Variants in SMOC2 observed in about 807,000 individuals in gnomAD.
The protein encoded by SMOC2 is SPARC related modular calcium binding 2, also known as SPARC-related modular calcium-binding protein 2.
In SMOC2, 39 loss-of-function variants were observed where a neutral mutation model predicts 61.4. The ratio of observed to expected loss-of-function variants is 0.64; its 90% CI spans 0.49 to 0.83. The LOEUF (loss-of-function observed/expected upper bound fraction) is 0.83. Ranked by LOEUF, SMOC2 falls within the 40% of genes least tolerant of loss-of-function variation. The pLI is 0.00. For missense variants in SMOC2, 556 were observed against 592.9 expected (o/e 0.94, Z 0.65); for synonymous variants, 247 against 239.9 (o/e 1.03, Z -0.27).
intron 2 of SMOC2, among the ~76,000 whole-genome samples, chr6:168,518,190 G>A (rs1203586896): frequency 6.6e-6 from 1 of 152,224 alleles, no homozygotes; most frequent in Non-Finnish European, 1.5e-5. Context: ...GCCCGGGGCC[G>A]GAGTGTCGCC....
At chr6:168,565,509 T>TA (rs1217783516) in intron 7 of SMOC2, among the ~76,000 whole-genome samples, 1 of 152,234 alleles carries the variant, frequency 6.6e-6, no homozygotes, top group East Asian at 1.9e-4. Flanking sequence ...GCCCCACTCT[T>TA]ATGATGACCT....
At chr6:168,657,566 C>T (rs1787358839) in intron 11 of SMOC2, among the ~76,000 whole-genome samples, 2 of 152,210 alleles carry the variant, frequency 1.3e-5, no homozygotes, top group South Asian at 4.1e-4. Context: ...CTCTTACTGC[C>T]ACCCGATACT....
chr6:168,659,046 G>A (rs1227683297), intron 11 of SMOC2, among the ~76,000 whole-genome samples: 1 of 119,930 alleles, frequency 8.3e-6, no homozygotes, highest in Non-Finnish European at 1.7e-5. Context: ...ATGTGTGTGT[G>A]TGGCGTGTGG....
intron 4 of SMOC2, among the ~76,000 whole-genome samples, chr6:168,531,834 T>C (rs1783610064): frequency 6.6e-6 from 1 of 152,168 alleles, no homozygotes; most frequent in South Asian, 2.1e-4. Flanking sequence ...ATAACCCATG[T>C]TTCTCCCCCA....
In SMOC2 at chr6:168,553,930, G is replaced by C. The variant is rs1784185571; in HGVS notation, c.637+4727G>C. ...AACTTGCTTTTGAACTGCGTGTGCT[G>C]TGCATGGTGCCCCTTCCCCACCAGG... On this transcript the variant is annotated intron_variant, in intron 7 of 12. Coordinates refer to ENST00000356284, the MANE Select transcript of SMOC2 (RefSeq NM_001166412.2). The surrounding 1 kb of genome is among the most constrained non-coding windows in gnomAD (Gnocchi z 4.2). 6.6e-6 allele frequency among the ~76,000 whole-genome samples: 1 copy of C among 151,530 alleles called. No homozygotes were observed. The highest frequency in any genetic ancestry group is 1.5e-5 in the Non-Finnish European group (1 of 68,038).
intron 9 of SMOC2, among the ~76,000 whole-genome samples, chr6:168,645,116 C>T (rs539183960): frequency 6.6e-6 from 1 of 152,164 alleles, no homozygotes; most frequent in African/African-American, 2.4e-5. Context: ...CAAGACAAAA[C>T]TGGATTTAAT....
At chr6:168,509,060 C>A (rs1411682798) in intron 1 of SMOC2, among the ~76,000 whole-genome samples, 1 of 152,116 alleles carries the variant, frequency 6.6e-6, no homozygotes, top group Non-Finnish European at 1.5e-5. Flanking sequence ...GACTAGTTGG[C>A]CGGTCAGGAA....
At chr6:168,664,670 GC>G (rs1333838737) in intron 12 of SMOC2, 25 of 467,546 alleles carry the variant, frequency 5.3e-5, no homozygotes, top group Non-Finnish European at 2.2e-5. Context: ...GGGGCTTTCG[GC>G]TCCTGCTGTG....
At chr6:168,633,222 G>A (rs1200152581) in intron 9 of SMOC2, among the ~76,000 whole-genome samples, 1 of 152,198 alleles carries the variant, frequency 6.6e-6, no homozygotes, top group Non-Finnish European at 1.5e-5. Context: ...GAACCTTGAG[G>A]AATGTATACA....
At chr6:168,656,515 A>C (rs1433232671) in intron 11 of SMOC2, among the ~76,000 whole-genome samples, 1 of 138,562 alleles carries the variant, frequency 7.2e-6, no homozygotes, top group African/African-American at 2.9e-5. Flanking sequence ...GTTAAAAAAA[A>C]AAAAAAAAAA....
intron 9 of SMOC2, among the ~76,000 whole-genome samples, chr6:168,615,240 C>T (rs372991461): frequency 4.6e-5 from 4 of 86,132 alleles, no homozygotes; most frequent in Non-Finnish European, 7.2e-5. Flanking sequence ...GGCCTCTTCA[C>T]ACCTACAGCC....
intron 9 of SMOC2, among the ~76,000 whole-genome samples, chr6:168,613,364 A>AG (rs1423774645): frequency 1.3e-5 from 2 of 152,120 alleles, no homozygotes; most frequent in Non-Finnish European, 2.9e-5. Flanking sequence ...GTGAGGACAG[A>AG]GGGGGCGGCA....
rs756448492 is a variant in SMOC2 at position 168,619,103 on chromosome 6, G to A, written c.907+10864G>A. On this transcript the variant is annotated intron_variant, in intron 9 of 12. Transcript: ENST00000356284. Reference sequence around the variant, plus strand: ...TGAGTTCTGAGCAGCGCCGGTGACCGCAACAGCACATTGTTGAGTTATTTT... The same window carrying A: ...TGAGTTCTGAGCAGCGCCGGTGACCACAACAGCACATTGTTGAGTTATTTT... 4.3e-4 allele frequency among the ~76,000 whole-genome samples: 65 copies of A among 152,118 alleles called. 1 individual carries two copies. Among genetic ancestry groups the A allele is most frequent in the Non-Finnish European group, 1.5e-4 (10 of 68,028 alleles).
At chr6:168,548,196 G>A (rs985247065) in intron 6 of SMOC2, among the ~76,000 whole-genome samples, 1 of 152,126 alleles carries the variant, frequency 6.6e-6, no homozygotes, top group Non-Finnish European at 1.5e-5. Context: ...CTGCTGCCAT[G>A]AGTCCCTGGA....
intron 7 of SMOC2, among the ~76,000 whole-genome samples, chr6:168,583,688 C>T (rs1218412761): frequency 6.6e-6 from 1 of 152,242 alleles, no homozygotes; most frequent in Non-Finnish European, 1.5e-5. Flanking sequence ...TGCTCCCCAA[C>T]CTCCTGCTGG....
intron 9 of SMOC2, among the ~76,000 whole-genome samples, chr6:168,610,420 A>G (rs1232205159): frequency 2.6e-5 from 4 of 152,244 alleles, no homozygotes; most frequent in African/African-American, 9.6e-5. Flanking sequence ...GGAAAAAACA[A>G]GTAGGTCTTA....
intron 7 of SMOC2, among the ~76,000 whole-genome samples, chr6:168,558,034 C>T (rs1356336625): frequency 6.6e-6 from 1 of 152,192 alleles, no homozygotes; most frequent in Non-Finnish European, 1.5e-5. Context: ...GTGGGAGAGG[C>T]CCCGTGGCAC....
At chr6:168,538,803 G>C (rs1013225332) in intron 4 of SMOC2, among the ~76,000 whole-genome samples, 2 of 149,486 alleles carry the variant, frequency 1.3e-5, no homozygotes, top group African/African-American at 2.5e-5. Flanking sequence ...GAATCTGGGG[G>C]AGTGGGGTGA....
intron 2 of SMOC2, among the ~76,000 whole-genome samples, chr6:168,514,981 G>C (rs886572491): frequency 1.3e-5 from 2 of 152,142 alleles, no homozygotes; most frequent in Non-Finnish European, 2.9e-5. Context: ...GATCTTTGCC[G>C]TACCCAGCTG....
Sources: allele counts gnomAD v4.1 joint callset (sites outside exome capture counted in the v4.1 genomes callset), GRCh38; gene constraint gnomAD v4.1.1; non-coding constraint Gnocchi (gnomAD v3.1); transcripts MANE v1.5; gene names NCBI Gene and HGNC (gene_info 2026-07-23, HGNC 2026-07-21).